Variants in SBNO2 observed in about 807,000 individuals in gnomAD.
The protein encoded by SBNO2 is strawberry notch homolog 2, also known as protein strawberry notch homolog 2.
A neutral mutation model predicts 146.3 loss-of-function variants in SBNO2; 89 were observed. That is an observed-to-expected ratio of 0.61 (90% CI 0.51 to 0.73). The LOEUF (loss-of-function observed/expected upper bound fraction) is 0.73. SBNO2 is among the 30% of genes least tolerant of loss of function. The pLI is 0.00. For missense variants in SBNO2, 2,092 were observed against 2,003.7 expected, an observed-to-expected ratio of 1.04 and a Z score of -0.84; for synonymous variants, 1,147 against 892.6, an observed-to-expected ratio of 1.29 and a Z score of -5.08.
rs550068842 is a variant in SBNO2, at chr19:1,110,457, C to G, written c.3028+288G>C. On this transcript the variant is annotated intron_variant, in intron 26 of 31. Coordinates refer to ENST00000361757, the MANE Select transcript of SBNO2 (RefSeq NM_014963.3). This position sits in a 1 kb window ranked among gnomAD's most constrained non-coding sequence, Gnocchi z 4.9. ...GCATCCGCCCAGTCTCACCCAGTAC[C>G]CTCGCTCACCCAGGATGCATGGCGC... 5.3e-5 allele frequency among the ~76,000 whole-genome samples: 8 copies of G among 152,040 alleles called. No individual in the cohort carries two copies. In the South Asian group the frequency reaches 1.7e-3, roughly 32 times the overall value.
intron 1 of SBNO2, among the ~76,000 whole-genome samples, chr19:1,163,240 T>C (rs903908633): frequency 3.3e-5 from 5 of 152,188 alleles, no homozygotes; most frequent in African/African-American, 9.7e-5. Context: ...TAACAACTCA[T>C]GTCCTTAAGA....
chr19:1,133,385 A>G (rs28388292), intron 4 of SBNO2, among the ~76,000 whole-genome samples: 12,231 of 152,098 alleles, frequency 0.08, 979 homozygotes, highest in African/African-American at 0.2. Flanking sequence ...TGGGCTTGTA[A>G]GACTCCCGCC....
chr19:1,124,142 G>A (rs949329132), intron 5 of SBNO2, 120 bp from the exon 6 acceptor site: 6 of 890,372 alleles, frequency 6.7e-6, no homozygotes, highest in East Asian at 5.3e-5. Context: ...CCCCATCCTC[G>A]CTCCCCAGGG....
intron 4 of SBNO2, among the ~76,000 whole-genome samples, chr19:1,134,316 A>ACGGGTGGACCCACAGCTCC (rs1401554472): frequency 0.078 from 11,427 of 146,780 alleles, 503 homozygotes; most frequent in East Asian, 0.15. Flanking sequence ...CCTACAGCTC[A>ACGGGTGGACCCACAGCTCC]CGGGTGGACC....
intron 1 of SBNO2, among the ~76,000 whole-genome samples, chr19:1,156,935 G>A (rs1305675726): frequency 3.3e-5 from 5 of 151,428 alleles, no homozygotes; most frequent in East Asian, 1.9e-4. Context: ...CCCAGGACCC[G>A]CCACTCCTGA....
At position 1,154,300 on chromosome 19, in the gene SBNO2, C is replaced by T; in HGVS notation, c.-24G>A. 1 of 1,231,132 alleles carries T rather than the reference C, an allele frequency of 8.1e-7. No individual in the cohort carries two copies. The highest frequency in any genetic ancestry group is 1.0e-6 in the Non-Finnish European group (1 of 980,364). The allele number at this position is 1,231,132 out of a possible 1,614,324, so 76.3% of individuals were successfully genotyped here. On this transcript the variant is annotated 5_prime_UTR_variant, in exon 2 of 32. Coordinates refer to ENST00000361757, the MANE Select transcript of SBNO2 (RefSeq NM_014963.3). The stretch of plus-strand genomic sequence containing the variant: ...ATCGGGCGGCAGGCGGGGTGGGGTC[C>T]TCGGCCGGGCAGCAGGCGGCGGGAC...
chr19:1,164,912 CAGGAGGAGGAGGAGGAGGCACAGG>C (rs2080396571), intron 1 of SBNO2, among the ~76,000 whole-genome samples: 3 of 4,114 alleles, frequency 7.3e-4, no homozygotes, highest in Non-Finnish European at 1.8e-3. Context: ...GGAGGAGGCA[CAGGAGGAGGAGGAGGAGGCACAGG>C]AGGAGGAGGA....
chr19:1,166,894 C>T (rs2080431341), intron 1 of SBNO2, among the ~76,000 whole-genome samples: 1 of 152,196 alleles, frequency 6.6e-6, no homozygotes, highest in Non-Finnish European at 1.5e-5. Context: ...ACAAGGTCTC[C>T]CCACCTGGCT....
At chr19:1,141,151 C>A (rs756605222) in intron 4 of SBNO2, among the ~76,000 whole-genome samples, 2 of 151,028 alleles carry the variant, frequency 1.3e-5, no homozygotes, top group Non-Finnish European at 3.0e-5. Flanking sequence ...ACTGCCTCTT[C>A]GGGGGCAAGC....
At chr19:1,128,788 CA>C (rs1054833444) in intron 4 of SBNO2, among the ~76,000 whole-genome samples, 1 of 151,348 alleles carries the variant, frequency 6.6e-6, no homozygotes, top group African/African-American at 2.4e-5. Context: ...GACAATATGG[CA>C]AAACCCCATT....
chr19:1,129,365 C>G (rs1354646758), intron 4 of SBNO2, among the ~76,000 whole-genome samples: 2 of 152,166 alleles, frequency 1.3e-5, no homozygotes, highest in South Asian at 4.1e-4. Context: ...TCAGCTTTGC[C>G]CACTGCCCAC....
chr19:1,159,442 G>A (rs1160246495), intron 1 of SBNO2, among the ~76,000 whole-genome samples: 1 of 137,960 alleles, frequency 7.2e-6, no homozygotes, highest in Non-Finnish European at 1.6e-5. Context: ...TTGGGGGGAC[G>A]GGGGTAGCAA....
intron 1 of SBNO2, among the ~76,000 whole-genome samples, chr19:1,169,938 T>C (rs932773519): frequency 1.3e-5 from 2 of 152,118 alleles, no homozygotes; most frequent in Admixed American, 1.3e-4. Flanking sequence ...CCCCCGCCTC[T>C]ACAGCCCCTG....
chr19:1,136,091 C>T lies in SBNO2; in HGVS notation c.280-8326G>A, dbSNP rs1320935824. Among the ~76,000 whole-genome samples the T allele has an allele frequency of 2.6e-5, 4 of 152,102 alleles. No homozygotes were observed. Among genetic ancestry groups the T allele is most frequent in the African/African-American group, 4.8e-5 (2 of 41,422 alleles). ...TCCTCATTCGAAGGAGACACAGTCC[C>T]GGGGAGGAGGCCACGGGACACAGAA... On this transcript the variant is annotated intron_variant, in intron 4 of 31. Transcript: ENST00000361757. This position sits in a 1 kb window ranked among gnomAD's most constrained non-coding sequence, Gnocchi z 4.2.
intron 2 of SBNO2, among the ~76,000 whole-genome samples, chr19:1,152,287 T>C (rs1318071403): frequency 6.6e-6 from 1 of 152,214 alleles, no homozygotes; most frequent in Non-Finnish European, 1.5e-5. Context: ...CCACATCCCA[T>C]AATTCGCTTA....
chr19:1,116,606 A>C (rs1485421133), intron 16 of SBNO2, among the ~76,000 whole-genome samples: 1 of 152,126 alleles, frequency 6.6e-6, no homozygotes, highest in African/African-American at 2.4e-5. Flanking sequence ...ACCATGTCCC[A>C]AACCTTCCAG....
Position 1,127,697 on chromosome 19 carries a change from G to A in SBNO2, c.348C>T (p.Asp116=). Residue 116 remains aspartate, a synonymous_variant, in exon 5 of 32, where the codon GAC becomes GAT. Transcript: ENST00000361757. ...GCAGGAAGTCGGGCGTGTCCACGAT[G>A]TCCGACAGGGAGTCCACGGACGAGG... ...IFSSSVDSLS[D]IVDTPDFLPA... 6.2e-7 allele frequency: 1 copy of A among 1,613,612 alleles called. No individual in the cohort carries two copies. Among genetic ancestry groups the A allele is most frequent in the East Asian group, 2.2e-5 (1 of 44,890 alleles).
At chr19:1,134,316 A>C (rs371494130) in intron 4 of SBNO2, among the ~76,000 whole-genome samples, 3 of 146,992 alleles carry the variant, frequency 2.0e-5, no homozygotes, top group South Asian at 2.1e-4. Context: ...CCTACAGCTC[A>C]CGGGTGGACC....
rs775103299 is a variant in SBNO2 at position 1,114,242 on chromosome 19, C to G, written c.2066G>C (p.Ser689Thr). The G allele has an allele frequency of 5.9e-6, 9 of 1,516,354 alleles. No homozygotes were observed. The highest frequency in any genetic ancestry group is 8.0e-6 in the Non-Finnish European group (9 of 1,127,178). 93.9% of individuals were successfully genotyped at this position (1,516,354 alleles called of 1,614,324 possible). ...GGGCAAGCCCTCACCCCGGTCGTCA[C>G]TGGGGAGCCCGACTGCATCAACGAT... ...VVIVDAVGLP[S>T]DDRGPLCLLQ... is the part of the protein sequence containing the mutation. The change falls in exon 18 of 32, where the codon AGT becomes ACT. Residue 689 changes from serine to threonine, a missense_variant. Coordinates refer to ENST00000361757, the MANE Select transcript of SBNO2 (RefSeq NM_014963.3).
Sources: gnomAD v4.1 joint callset for allele counts (sites outside exome capture counted in the v4.1 genomes callset) on GRCh38, gnomAD v4.1.1 for gene constraint, Gnocchi (gnomAD v3.1) non-coding constraint, MANE v1.5 for transcripts, NCBI Gene and HGNC (gene_info 2026-07-23, HGNC 2026-07-21) for gene names.